The following SNTG1 variants were observed in gnomAD, a reference collection of about 807,000 sequenced individuals.
The protein encoded by SNTG1 is gamma-1-syntrophin.
SNTG1 carries 39 observed loss-of-function variants against 74.7 expected under a neutral mutation model. That is an observed-to-expected ratio of 0.52 (90% CI 0.40 to 0.68). The LOEUF is 0.68. Among genes scored for constraint, SNTG1 ranks in the 30% least tolerant of loss-of-function variants. The pLI is 0.00. For missense variants in SNTG1, 685 were observed against 609.5 expected (o/e 1.12, Z -1.30); for synonymous variants, 254 against 217.1 (o/e 1.17, Z -1.49).
chr8:50,159,330 T>C (rs2082345279), intron 1 of SNTG1, among the ~76,000 whole-genome samples: 1 of 152,172 alleles, frequency 6.6e-6, no homozygotes, highest in Non-Finnish European at 1.5e-5. Flanking sequence ...ATCTAGATTT[T>C]ACGTTTCCTG....
At chr8:50,759,723 T>C (rs573696487) in intron 18 of SNTG1, among the ~76,000 whole-genome samples, 2 of 152,244 alleles carry the variant, frequency 1.3e-5, no homozygotes, top group South Asian at 2.1e-4. Flanking sequence ...TTGGTACCAG[T>C]ACCATGCTGT....
chr8:50,724,817 T>C (rs917017023), intron 17 of SNTG1, among the ~76,000 whole-genome samples: 1 of 152,178 alleles, frequency 6.6e-6, no homozygotes, highest in Admixed American at 6.5e-5. Flanking sequence ...ATAACCAATG[T>C]TAAAGGTTTA....
rs550225619 is a variant in SNTG1 at position 50,191,863 on chromosome 8, G to A, written c.-28+19228G>A. The stretch of plus-strand genomic sequence containing the variant: ...TCCTCTCAGTATATTGTCTCAGTTA[G>A]CCTATGTATGATGGGACAATAAAAG... On this transcript the variant is annotated intron_variant, in intron 2 of 18. Coordinates refer to ENST00000642720, the MANE Select transcript of SNTG1 (RefSeq NM_018967.5). 2.3e-4 allele frequency among the ~76,000 whole-genome samples: 35 copies of A among 152,184 alleles called. 1 individual carries two copies. Among genetic ancestry groups the A allele is most frequent in the African/African-American group, 8.2e-4 (34 of 41,512 alleles).
At chr8:50,094,697 G>C (rs1010129126) in intron 1 of SNTG1, among the ~76,000 whole-genome samples, 8 of 152,154 alleles carry the variant, frequency 5.3e-5, no homozygotes, top group Non-Finnish European at 2.9e-5. Flanking sequence ...ACATGTTGCA[G>C]AGACAAGGGA....
chr8:50,442,848 C>A (rs2131588639), intron 5 of SNTG1, among the ~76,000 whole-genome samples: 1 of 152,248 alleles, frequency 6.6e-6, no homozygotes, highest in African/African-American at 2.4e-5. Flanking sequence ...GAAACTGCTC[C>A]TTTGAAGCGG....
chr8:50,580,491 A>G (rs2094603481), intron 12 of SNTG1, among the ~76,000 whole-genome samples: 1 of 152,076 alleles, frequency 6.6e-6, no homozygotes, highest in African/African-American at 2.4e-5. Context: ...TTGTGTCCCC[A>G]CCCAAATCTC....
chr8:49,987,764 C>G (rs1563435952), intron 1 of SNTG1, among the ~76,000 whole-genome samples: 1 of 151,286 alleles, frequency 6.6e-6, no homozygotes, highest in Non-Finnish European at 1.5e-5. Context: ...TTCTCCTGCC[C>G]CAGCCTCCTG....
At chr8:49,989,149 G>A (rs1023388597) in intron 1 of SNTG1, among the ~76,000 whole-genome samples, 1 of 151,760 alleles carries the variant, frequency 6.6e-6, no homozygotes, top group African/African-American at 2.4e-5. Context: ...ATAGAAAATT[G>A]GGGAAACCAA....
intron 2 of SNTG1, among the ~76,000 whole-genome samples, chr8:50,230,443 T>C (rs1387456985): frequency 6.6e-6 from 1 of 151,306 alleles, no homozygotes; most frequent in Non-Finnish European, 1.5e-5. Flanking sequence ...TACACATAAA[T>C]GAACAAGTTA....
intron 2 of SNTG1, among the ~76,000 whole-genome samples, chr8:50,328,876 T>C (rs1442199358): frequency 6.6e-6 from 1 of 152,188 alleles, no homozygotes; most frequent in Non-Finnish European, 1.5e-5. Flanking sequence ...CAAATTATCA[T>C]CTCAGACAAG....
chr8:50,591,808 G>C (rs1231024240), intron 13 of SNTG1, among the ~76,000 whole-genome samples: 2 of 152,168 alleles, frequency 1.3e-5, no homozygotes, highest in Non-Finnish European at 2.9e-5. Context: ...GTTCTTTTCA[G>C]CTCCAGAGGT....
intron 1 of SNTG1, among the ~76,000 whole-genome samples, chr8:50,059,113 G>A (rs2130924470): frequency 6.6e-6 from 1 of 152,134 alleles, no homozygotes; most frequent in Admixed American, 6.6e-5. Context: ...GTATTCCATA[G>A]TACCCATGTG....
At chr8:50,006,930 C>G (rs529964917) in intron 1 of SNTG1, among the ~76,000 whole-genome samples, 32 of 152,234 alleles carry the variant, frequency 2.1e-4, no homozygotes, top group African/African-American at 7.7e-4. Flanking sequence ...GTGTGATATC[C>G]CTGCCTAGGG....
intron 1 of SNTG1, among the ~76,000 whole-genome samples, chr8:49,936,880 G>A (rs1734850038): frequency 6.6e-6 from 1 of 152,186 alleles, no homozygotes; most frequent in African/African-American, 2.4e-5. Flanking sequence ...TGGGTATGGT[G>A]GCTCATGTCT....
At position 50,387,190 on chromosome 8, in the gene SNTG1, C is replaced by T. The variant is rs888078499; in HGVS notation, c.-27-7022C>T. Among the ~76,000 whole-genome samples the T allele has an allele frequency of 3.9e-5, 6 of 152,108 alleles. No individual in the cohort carries two copies. In the South Asian group the frequency reaches 8.3e-4, roughly 21 times the overall value. Reference sequence around the variant, plus strand: ...GGCCTCTTTGTCTTTGCCACTTGGGCCCTGTCATCCCAGGATCCAATTACT... The same window carrying T: ...GGCCTCTTTGTCTTTGCCACTTGGGTCCTGTCATCCCAGGATCCAATTACT... On this transcript the variant is annotated intron_variant, in intron 2 of 18. Transcript: ENST00000642720.
chr8:50,548,148 A>T (rs886622141), intron 11 of SNTG1, among the ~76,000 whole-genome samples: 1 of 152,190 alleles, frequency 6.6e-6, no homozygotes, highest in African/African-American at 2.4e-5. Context: ...CTATGCCAGG[A>T]AGAAAAGGGT....
intron 18 of SNTG1, among the ~76,000 whole-genome samples, chr8:50,781,528 G>T (rs2095659386): frequency 6.6e-6 from 1 of 152,024 alleles, no homozygotes; most frequent in Non-Finnish European, 1.5e-5. Context: ...GATTGCAACT[G>T]CTGCCTTTTT....
chr8:50,273,816 A>G (rs756792566), intron 2 of SNTG1, among the ~76,000 whole-genome samples: 8 of 152,162 alleles, frequency 5.3e-5, no homozygotes, highest in Non-Finnish European at 1.2e-4. Flanking sequence ...GACTGAAGCC[A>G]AAGAGGGAGA....
chr8:50,717,391 A>G (rs922410158), intron 17 of SNTG1, among the ~76,000 whole-genome samples: 8 of 152,240 alleles, frequency 5.3e-5, no homozygotes, highest in African/African-American at 1.7e-4. Flanking sequence ...TCAAAGTATT[A>G]TCCTTCAAAC....
Sources: allele counts gnomAD v4.1 joint callset (sites outside exome capture counted in the v4.1 genomes callset), GRCh38; gene constraint gnomAD v4.1.1; transcripts MANE v1.5; gene names NCBI Gene and HGNC (gene_info 2026-07-23, HGNC 2026-07-21).